CNKSR3: variants seen among roughly 807,000 people sequenced by gnomAD.
CNKSR3 encodes the protein connector enhancer of kinase suppressor of ras 3.
Under a neutral mutation model 67.7 loss-of-function variants are expected in CNKSR3, and 36 were observed. The ratio of observed to expected loss-of-function variants is 0.53; its 90% CI spans 0.41 to 0.70. CNKSR3 has a LOEUF of 0.70. CNKSR3 is among the 30% of genes least tolerant of loss of function. CNKSR3 has a pLI of 0.00. For missense variants in CNKSR3, 630 were observed against 695.2 expected, an observed-to-expected ratio of 0.91 and a Z score of 1.05; for synonymous variants, 281 against 271.4, an observed-to-expected ratio of 1.04 and a Z score of -0.35.
chr6:154,503,315 A>G (rs537873612), intron 1 of CNKSR3, among the ~76,000 whole-genome samples: 49 of 151,598 alleles, frequency 3.2e-4, no homozygotes, highest in African/African-American at 1.0e-3. Flanking sequence ...TGTGTTAAAG[A>G]TTTTTTTTTA....
chr6:154,484,579 G>T (rs868322815), intron 1 of CNKSR3, among the ~76,000 whole-genome samples: 4 of 151,580 alleles, frequency 2.6e-5, no homozygotes, highest in Middle Eastern at 6.8e-3. Flanking sequence ...GTGCATGCCT[G>T]TAATCCCAGC....
In CNKSR3 at chr6:154,390,959, C is replaced by T. The variant is rs1255690150; in HGVS notation, c.*15395G>A. 1 of 151,844 alleles carries T rather than the reference C, an allele frequency of 6.6e-6. No homozygotes were observed. Among genetic ancestry groups the T allele is most frequent in the Non-Finnish European group, 1.5e-5 (1 of 68,024 alleles). 9.4% of individuals were successfully genotyped at this position (151,844 alleles called of 1,614,324 possible). Reference sequence around the variant, plus strand: ...GGGATTACAGGCACATGCCACCACGCCCAGCTAATTTTTATATTTTTAGTA... The same window carrying T: ...GGGATTACAGGCACATGCCACCACGTCCAGCTAATTTTTATATTTTTAGTA... On this transcript the variant is annotated 3_prime_UTR_variant, in exon 13 of 13. Transcript: ENST00000607772.
chr6:154,506,290 G>C (rs1307438488), intron 1 of CNKSR3, among the ~76,000 whole-genome samples: 1 of 151,878 alleles, frequency 6.6e-6, no homozygotes, highest in Non-Finnish European at 1.5e-5. Flanking sequence ...AAAAGGAAAA[G>C]AAAGGAAAAG....
chr6:154,479,220 A>G (rs1786516406), intron 1 of CNKSR3, among the ~76,000 whole-genome samples: 1 of 114,912 alleles, frequency 8.7e-6, no homozygotes, highest in African/African-American at 2.8e-5. Flanking sequence ...ATTCAGAGAA[A>G]AAAAAAAAAA....
At chr6:154,464,973 C>G (rs1343815652) in intron 1 of CNKSR3, among the ~76,000 whole-genome samples, 1 of 151,428 alleles carries the variant, frequency 6.6e-6, no homozygotes, top group East Asian at 2.0e-4. Context: ...AACCCCATCT[C>G]TACTAAAGAT....
At chr6:154,483,852 G>A (rs577364386) in intron 1 of CNKSR3, among the ~76,000 whole-genome samples, 134 of 152,268 alleles carry the variant, frequency 8.8e-4, no homozygotes, top group Middle Eastern at 6.8e-3. Context: ...CTCACCAGTG[G>A]ATCCTCCAAA....
intron 2 of CNKSR3, among the ~76,000 whole-genome samples, chr6:154,442,556 A>G (rs1785621497): frequency 6.6e-6 from 1 of 152,188 alleles, no homozygotes; most frequent in African/African-American, 2.4e-5. Context: ...CGGGAGGCAG[A>G]GCTTGCAGTG....
chr6:154,414,558 GAT>G, intron 9 of CNKSR3, 135 bp from the exon 10 acceptor site: 1 of 884,398 alleles, frequency 1.1e-6, no homozygotes, highest in East Asian at 2.5e-5. Flanking sequence ...TGTGTTTACA[GAT>G]ATTGGCAATA....
At chr6:154,425,068 G>A (rs1042435048) in intron 7 of CNKSR3, among the ~76,000 whole-genome samples, 2 of 152,114 alleles carry the variant, frequency 1.3e-5, no homozygotes, top group African/African-American at 4.8e-5. Flanking sequence ...CACCGCACCC[G>A]GCTCATCTCA....
intron 1 of CNKSR3, among the ~76,000 whole-genome samples, chr6:154,463,789 A>G (rs1786135015): frequency 1.3e-5 from 2 of 152,258 alleles, no homozygotes; most frequent in East Asian, 1.9e-4. Context: ...AGTGACCTCA[A>G]TCAGATCACT....
chr6:154,501,147 T>C (rs1164444591), intron 1 of CNKSR3, among the ~76,000 whole-genome samples: 1 of 152,166 alleles, frequency 6.6e-6, no homozygotes, highest in Non-Finnish European at 1.5e-5. Flanking sequence ...ACTTCAAATA[T>C]AATGTTTACA....
At chr6:154,448,722 T>C (rs1785761676) in intron 2 of CNKSR3, among the ~76,000 whole-genome samples, 1 of 152,182 alleles carries the variant, frequency 6.6e-6, no homozygotes, top group Non-Finnish European at 1.5e-5. Flanking sequence ...TCCCCATTAC[T>C]TTCCTAAACA....
intron 1 of CNKSR3, among the ~76,000 whole-genome samples, chr6:154,462,732 A>T (rs549146119): frequency 4.6e-5 from 7 of 152,194 alleles, no homozygotes; most frequent in African/African-American, 1.7e-4. Flanking sequence ...ATCTGCAGGG[A>T]GGCTTCAGCT....
chr6:154,397,081 C>A lies in CNKSR3; in HGVS notation c.*9273G>T, dbSNP rs1784669014. The A allele has an allele frequency of 6.6e-6, 1 of 152,186 alleles. No individual in the cohort carries two copies. The highest frequency in any genetic ancestry group is 1.5e-5 in the Non-Finnish European group (1 of 68,064). The allele number at this position is 152,186 out of a possible 1,614,324, so 9.4% of individuals were successfully genotyped here. Reference sequence around the variant, plus strand: ...TCAGCCTCCCAAAGTGCTGGGATTACAGGCGTGACCCACCGCGCCCGGCCT... The same window carrying A: ...TCAGCCTCCCAAAGTGCTGGGATTAAAGGCGTGACCCACCGCGCCCGGCCT... On this transcript the variant is annotated 3_prime_UTR_variant, in exon 13 of 13. Coordinates refer to ENST00000607772, the MANE Select transcript of CNKSR3 (RefSeq NM_173515.4).
intron 1 of CNKSR3, among the ~76,000 whole-genome samples, chr6:154,490,589 A>G (rs1786767126): frequency 6.6e-6 from 1 of 152,224 alleles, no homozygotes; most frequent in Non-Finnish European, 1.5e-5. Context: ...GGCCACGAAA[A>G]GATCTTCATT....
At chr6:154,451,124 G>A (rs1562338706) in intron 1 of CNKSR3, among the ~76,000 whole-genome samples, 1 of 111,418 alleles carries the variant, frequency 9.0e-6, no homozygotes, top group East Asian at 3.2e-4. Context: ...GAAAGGCATG[G>A]TAAATGGGTT....
At chr6:154,466,774 C>T (rs979691510) in intron 1 of CNKSR3, among the ~76,000 whole-genome samples, 2 of 147,850 alleles carry the variant, frequency 1.4e-5, no homozygotes, top group African/African-American at 5.1e-5. Flanking sequence ...TGCACACCAT[C>T]ACGCCCAGCT....
At chr6:154,468,699 G>A (rs1310718577) in intron 1 of CNKSR3, among the ~76,000 whole-genome samples, 1 of 152,028 alleles carries the variant, frequency 6.6e-6, no homozygotes, top group African/African-American at 2.4e-5. Flanking sequence ...AATGAAGAAC[G>A]AACGCCTCCC....
chr6:154,507,862 C>T (rs1268989119), intron 1 of CNKSR3, among the ~76,000 whole-genome samples: 2 of 152,234 alleles, frequency 1.3e-5, no homozygotes, highest in Admixed American at 6.5e-5. Context: ...CTAACAAAAA[C>T]GTTTTAATCT....
Sources: gnomAD v4.1 joint callset for allele counts (sites outside exome capture counted in the v4.1 genomes callset) on GRCh38, gnomAD v4.1.1 for gene constraint, MANE v1.5 for transcripts, NCBI Gene and HGNC (gene_info 2026-07-23, HGNC 2026-07-21) for gene names.